BBS1: variants seen among roughly 807,000 people sequenced by gnomAD.
The protein encoded by BBS1 is BBSome complex member BBS1.
BBS1 carries 60 observed loss-of-function variants against 73.9 expected under a neutral mutation model. The observed-to-expected ratio is 0.81, with a 90% CI of 0.66 to 1.01. The LOEUF is 1.01. Ranked by LOEUF, BBS1 falls within the 50% of genes least tolerant of loss-of-function variation. BBS1 has a pLI of 0.00. For missense variants in BBS1, 718 were observed against 770.3 expected, an observed-to-expected ratio of 0.93 and a Z score of 0.80; for synonymous variants, 283 against 317.4, an observed-to-expected ratio of 0.89 and a Z score of 1.15.
intron 11 of BBS1, 135 bp from the exon 12 acceptor site, chr11:66,525,988 T>C (rs903159676): frequency 1.3e-6 from 1 of 748,628 alleles, no homozygotes; most frequent in African/African-American, 1.7e-5. Context: ...ATAGGAAATA[T>C]TTCAGAGGCA....
chr11:66,518,002 G>T lies in BBS1; in HGVS notation c.592-1615G>T, dbSNP rs189583415. Among the ~76,000 whole-genome samples the T allele has an allele frequency of 8.7e-3, 1,284 of 148,260 alleles. 17 individuals carry two copies. Among genetic ancestry groups the T allele is most frequent in the African/African-American group, 0.03 (1,191 of 40,052 alleles). The stretch of plus-strand genomic sequence containing the variant: ...GATGGAGTTTTGCTCTTGTTGCCCA[G>T]GCTGGAGTGCAATGGCGCAATCTCA... On this transcript the variant is annotated intron_variant, in intron 7 of 16. Coordinates refer to ENST00000318312, the MANE Select transcript of BBS1 (RefSeq NM_024649.5).
At chr11:66,524,279 T>TA (rs542214160) in intron 11 of BBS1, 32,751 of 279,772 alleles carry the variant, frequency 0.12, 923 homozygotes, top group Non-Finnish European at 0.15. Context: ...GACTCCATCT[T>TA]AAAAAAAAAA....
intron 11 of BBS1, chr11:66,524,279 T>TAA (rs542214160): frequency 1.3e-3 from 377 of 281,786 alleles, no homozygotes; most frequent in South Asian, 1.8e-3. Flanking sequence ...GACTCCATCT[T>TAA]AAAAAAAAAA....
chr11:66,515,513 A>C (rs768748536), intron 4 of BBS1, 27 bp from the exon 5 acceptor site: 18 of 1,613,736 alleles, frequency 1.1e-5, no homozygotes, highest in Non-Finnish European at 4.2e-6. Flanking sequence ...GCTTGAGCTC[A>C]CAGGCTCTCT....
intron 15 of BBS1, among the ~76,000 whole-genome samples, chr11:66,531,351 C>G (rs1275789513): frequency 2.6e-5 from 4 of 152,210 alleles, no homozygotes; most frequent in Non-Finnish European, 4.4e-5. Context: ...TGTGAAGGGC[C>G]TGGTTTTCCC....
At chr11:66,513,788 C>G (rs572611087) in intron 3 of BBS1, among the ~76,000 whole-genome samples, 6 of 152,294 alleles carry the variant, frequency 3.9e-5, no homozygotes, top group South Asian at 2.1e-4. Context: ...TTGGGTACCC[C>G]CTTTCTGGCC....
At chr11:66,520,658 A>G (rs750630935) in intron 8 of BBS1, 8 of 165,110 alleles carry the variant, frequency 4.8e-5, no homozygotes, top group Middle Eastern at 1.9e-3. Flanking sequence ...CCTGTCACCT[A>G]TTGTACATTT....
chr11:66,523,671 T>A, intron 10 of BBS1, 53 bp from the exon 11 acceptor site: 2 of 1,610,396 alleles, frequency 1.2e-6, no homozygotes, highest in Non-Finnish European at 8.5e-7. Flanking sequence ...CAGAAACCGT[T>A]CTTTCCACTG....
chr11:66,517,994 G>C (rs1170813091), intron 7 of BBS1, among the ~76,000 whole-genome samples: 1 of 114,438 alleles, frequency 8.7e-6, no homozygotes, highest in Non-Finnish European at 1.8e-5. Context: ...TTTTGCTCTT[G>C]TTGCCCAGGC....
chr11:66,519,563 T>C, intron 7 of BBS1, 54 bp from the exon 8 acceptor site: 1 of 1,611,962 alleles, frequency 6.2e-7, no homozygotes, highest in Non-Finnish European at 8.5e-7. Flanking sequence ...TCTGGGAGTA[T>C]CTTGGGGGTG....
chr11:66,529,445 ACTC>A (rs1477900338), intron 13 of BBS1: 1 of 834,356 alleles, frequency 1.2e-6, no homozygotes, highest in Non-Finnish European at 2.0e-6. Context: ...GACACCAAGG[ACTC>A]CTCTTTGTGG....
At position 66,532,951 on chromosome 11, in the gene BBS1, C is replaced by A. The variant is rs1856844371; in HGVS notation, c.*914C>A. ...TCTACATCCTGGAGCCCAAATCAGT[C>A]ATGTGGGTGGGAAGTTCCCAGGGCA... On this transcript the variant is annotated 3_prime_UTR_variant, in exon 17 of 17. Coordinates refer to ENST00000318312, the MANE Select transcript of BBS1 (RefSeq NM_024649.5). The A allele has an allele frequency of 6.6e-6, 1 of 152,232 alleles. No individual in the cohort carries two copies. Among genetic ancestry groups the A allele is most frequent in the Non-Finnish European group, 1.5e-5 (1 of 68,052 alleles). 9.4% of individuals were successfully genotyped at this position (152,232 alleles called of 1,614,324 possible). A position where few individuals can be genotyped will look rare whatever the true frequency, so the allele number is the denominator to read the frequency against.
At chr11:66,523,427 G>C in intron 9 of BBS1, 29 bp from the exon 10 acceptor site, 1 of 1,614,090 alleles carries the variant, frequency 6.2e-7, no homozygotes, top group Non-Finnish European at 8.5e-7. Flanking sequence ...ATTTCTCTGG[G>C]GCCAGACAGT....
At position 66,514,631 on chromosome 11, in the gene BBS1, T is replaced by C; in HGVS notation, c.385T>C (p.Leu129=). Residue 129 remains leucine, a synonymous_variant, in exon 4 of 17, where the codon TTG becomes CTG. Coordinates refer to ENST00000318312, the MANE Select transcript of BBS1 (RefSeq NM_024649.5). The part of the protein sequence containing the change: ...RPYFKFSLPQ[L]PPNPLEQDLW... ...CTACTTCAAGTTCAGCCTGCCCCAA[T>C]TGCCTCCAAATCCTCTGGAACAAGA... The C allele has an allele frequency of 1.9e-6, 3 of 1,613,472 alleles. No homozygotes were observed. The highest frequency in any genetic ancestry group is 2.5e-6 in the Non-Finnish European group (3 of 1,180,016).
chr11:66,515,862 T>C lies in BBS1; in HGVS notation c.520T>C (p.Phe174Leu). ...EEPLSIQSLR[F>L]LQLELSEMEA... ...GATGCCAGTTCTCTGTGTGTCTAGG[T>C]TTCTGCAGCTGGAGCTAAGTGAAAT... The change falls in exon 7 of 17, where the codon TTT becomes CTT. Residue 174 changes from phenylalanine (F) to leucine (L), a missense_variant and splice_region_variant. Physicochemically the swap from Phe to Leu is conservative, Grantham distance 22. Transcript: ENST00000318312. 1 of 1,614,116 alleles carries C rather than the reference T, an allele frequency of 6.2e-7. No homozygotes were observed. Among genetic ancestry groups the C allele is most frequent in the South Asian group, 1.1e-5 (1 of 91,088 alleles).
At chr11:66,526,044 G>A (rs1856473656) in intron 11 of BBS1, 79 bp from the exon 12 acceptor site, 2 of 1,273,612 alleles carry the variant, frequency 1.6e-6, no homozygotes, top group Non-Finnish European at 2.3e-6. Flanking sequence ...TATTATATCT[G>A]GGGCCTCCCC....
intron 4 of BBS1, 21 bp from the exon 5 acceptor site, chr11:66,515,519 T>C: frequency 6.2e-7 from 1 of 1,613,956 alleles, no homozygotes; most frequent in Non-Finnish European, 8.5e-7. Flanking sequence ...GCTCACAGGC[T>C]CTCTTCCCAC....
intron 7 of BBS1, among the ~76,000 whole-genome samples, chr11:66,517,069 G>A (rs766267945): frequency 1.3e-5 from 2 of 151,958 alleles, no homozygotes; most frequent in Non-Finnish European, 2.9e-5. Context: ...CATGGTAGCG[G>A]TCGCCTGTAC....
In BBS1 at chr11:66,526,778, A is replaced by T. The variant is rs374356964; in HGVS notation, c.1310A>T (p.Gln437Leu). 29 of 1,614,124 alleles carry T rather than the reference A, an allele frequency of 1.8e-5. No individual in the cohort carries two copies. Among genetic ancestry groups the T allele is most frequent in the Non-Finnish European group, 5.1e-6 (6 of 1,180,056 alleles). The stretch of plus-strand genomic sequence containing the variant: ...CGAAAGACCCGGCTTTACGTGGATC[A>T]GACACTGCGAGAGCGGGAGGCTGGC... ...VPRKTRLYVD[Q>L]TLREREAGTA... The change falls in exon 13 of 17, where the codon CAG becomes CTG. Residue 437 changes from glutamine to leucine, a missense_variant. Physicochemically the swap from Gln to Leu is moderately radical, Grantham distance 113. Transcript: ENST00000318312.
Sources: allele counts gnomAD v4.1 joint callset (sites outside exome capture counted in the v4.1 genomes callset), GRCh38; gene constraint gnomAD v4.1.1; transcripts MANE v1.5; gene names NCBI Gene and HGNC (gene_info 2026-07-23, HGNC 2026-07-21).